PAX9: variants seen among roughly 807,000 people sequenced by gnomAD.
The protein encoded by PAX9 is paired box 9.
A neutral mutation model predicts 29.1 loss-of-function variants in PAX9; 6 were observed. The ratio of observed to expected loss-of-function variants is 0.21; its 90% confidence interval spans 0.11 to 0.41. The LOEUF (loss-of-function observed/expected upper bound fraction) is 0.41. Among genes scored for constraint, PAX9 ranks in the 10% least tolerant of loss-of-function variants. PAX9 has a pLI of 1.00. For synonymous variants in PAX9, 217 were observed against 211.7 expected, an observed-to-expected ratio of 1.03 and a Z score of -0.22; for missense variants, 443 against 479.1, an observed-to-expected ratio of 0.92 and a Z score of 0.70.
At chr14:36,665,723 C>G (rs1241682390) in intron 2 of PAX9, among the ~76,000 whole-genome samples, 4 of 151,998 alleles carry the variant, frequency 2.6e-5, no homozygotes, top group Non-Finnish European at 4.4e-5. Flanking sequence ...ATTTTTTAAA[C>G]TCTTTCAGGA....
rs1353775835 is a variant in PAX9 at position 36,678,166 on chromosome 14, T to C, written c.*1714T>C. 45 of 402,928 alleles carry C rather than the reference T, an allele frequency of 1.1e-4. 1 individual carries two copies. In the South Asian group the frequency reaches 1.6e-3, roughly 15 times the overall value. 25.0% of individuals were successfully genotyped at this position (402,928 alleles called of 1,614,324 possible). ...GTGCTGTGCACAGTCTACATGGCAA[T>C]GCGGTTCCACCACATCGGTTTCGTG... On this transcript the variant is annotated 3_prime_UTR_variant, in exon 4 of 4. Coordinates refer to ENST00000361487, the MANE Select transcript of PAX9 (RefSeq NM_001372076.1).
intron 3 of PAX9, chr14:36,671,056 AC>A (rs1468160921): frequency 1.1e-5 from 5 of 435,224 alleles, no homozygotes; most frequent in Admixed American, 7.9e-5. Context: ...CAGATCCAAA[AC>A]TTTTTCTTGC....
At chr14:36,673,979 T>A (rs968674207) in intron 3 of PAX9, among the ~76,000 whole-genome samples, 3 of 152,246 alleles carry the variant, frequency 2.0e-5, no homozygotes, top group Non-Finnish European at 2.9e-5. Flanking sequence ...CACATACAGA[T>A]GTGAACACCT....
rs1269151404 is a variant in PAX9 at position 36,663,246 on chromosome 14, C to T, written c.354C>T (p.Pro118=). 6 of 1,614,162 alleles carry T rather than the reference C, an allele frequency of 3.7e-6. No individual in the cohort carries two copies. The highest frequency in any genetic ancestry group is 5.1e-6 in the Non-Finnish European group (6 of 1,180,040). The change falls in exon 2 of 4, where the codon CCC becomes CCT. Residue 118 remains proline, a synonymous_variant. Transcript: ENST00000361487. The part of the protein sequence containing the change: ...ADGVCDKYNV[P]SVSSISRILR... ...GCGTGTGCGACAAGTACAATGTGCC[C>T]TCCGTGAGCTCCATCAGCCGCATTC...
chr14:36,666,193 A>C, intron 2 of PAX9: 8 of 489,424 alleles, frequency 1.6e-5, no homozygotes, highest in Non-Finnish European at 1.5e-5. Flanking sequence ...GGGAAATCAA[A>C]AACCGGTTGA....
chr14:36,663,813 G>C (rs777486315), intron 2 of PAX9, among the ~76,000 whole-genome samples: 8 of 151,986 alleles, frequency 5.3e-5, no homozygotes, highest in Non-Finnish European at 8.8e-5. Flanking sequence ...CCCGCCTCTC[G>C]CGCCGAGGCA....
rs1881985620 is a variant in PAX9 at position 36,678,049 on chromosome 14, G to A, written c.*1597G>A. 1 of 157,692 alleles carries A rather than the reference G, an allele frequency of 6.3e-6. No homozygotes were observed. The highest frequency in any genetic ancestry group is 1.4e-5 in the Non-Finnish European group (1 of 71,810). 9.8% of individuals were successfully genotyped at this position (157,692 alleles called of 1,614,324 possible). On this transcript the variant is annotated 3_prime_UTR_variant, in exon 4 of 4. Transcript: ENST00000361487. ...AAAATTAATATATTGAGGGTTTTTT[G>A]GTACTAATTCTGTGCAATAACTAAA...
chr14:36,673,510 T>C (rs930119463), intron 3 of PAX9, among the ~76,000 whole-genome samples: 14 of 19,368 alleles, frequency 7.2e-4, no homozygotes, highest in Non-Finnish European at 1.3e-3. Context: ...CAATGCAGCA[T>C]GTCTCTGAGG....
chr14:36,668,464 T>C lies in PAX9; in HGVS notation c.771+1863T>C, dbSNP rs111406056. The stretch of plus-strand genomic sequence containing the variant: ...AGTGCAGTGGCGCGATCTCTACTTA[T>C]TGCAGCCTCTGCCTCCCGGGTTCAA... On this transcript the variant is annotated intron_variant, in intron 3 of 3. Coordinates refer to ENST00000361487, the MANE Select transcript of PAX9 (RefSeq NM_001372076.1). Among the ~76,000 whole-genome samples the C allele has an allele frequency of 2.6e-3, 394 of 152,312 alleles. 1 individual carries two copies. The highest frequency in any genetic ancestry group is 8.1e-3 in the African/African-American group (336 of 41,574).
At chr14:36,673,618 C>G (rs1165569013) in intron 3 of PAX9, among the ~76,000 whole-genome samples, 1 of 151,870 alleles carries the variant, frequency 6.6e-6, no homozygotes, top group Non-Finnish European at 1.5e-5. Flanking sequence ...AGCAAGAGTT[C>G]CAAGGGCAAA....
At chr14:36,670,838 A>G (rs1257857390) in intron 3 of PAX9, among the ~76,000 whole-genome samples, 1 of 152,116 alleles carries the variant, frequency 6.6e-6, no homozygotes, top group African/African-American at 2.4e-5. Context: ...GCTTTTAAAT[A>G]GCGGCTTTCC....
intron 1 of PAX9, 72 bp from the exon 2 acceptor site, chr14:36,662,825 G>C: frequency 6.4e-7 from 1 of 1,560,388 alleles, no homozygotes; most frequent in Non-Finnish European, 8.7e-7. Flanking sequence ...GGATGCGTAG[G>C]GAGGCCCAGT....
chr14:36,666,486 G>A lies in PAX9; in HGVS notation c.656G>A (p.Ser219Asn), dbSNP rs777895216. ...DQVSDSSPYH[S>N]PKVEEWSSLG... is the part of the protein sequence containing the mutation. ...GTGAGCGACAGCTCCCCCTACCACA[G>A]CCCCAAGGTGGAGGAGTGGAGCAGC... The change falls in exon 3 of 4, where the codon AGC becomes AAC. Residue 219 changes from serine (S) to asparagine (N), a missense_variant. Transcript: ENST00000361487. 7.5e-6 allele frequency: 12 copies of A among 1,610,692 alleles called. No individual in the cohort carries two copies. The highest frequency in any genetic ancestry group is 1.7e-5 in the Admixed American group (1 of 59,768).
At chr14:36,675,644 C>T (rs1052690782) in intron 3 of PAX9, among the ~76,000 whole-genome samples, 9 of 152,176 alleles carry the variant, frequency 5.9e-5, no homozygotes, top group East Asian at 1.9e-4. Flanking sequence ...CTTTGTCCAA[C>T]GGGCATTTTC....
Position 36,678,191 on chromosome 14 carries a change from G to A in PAX9, c.*1739G>A, listed in dbSNP as rs553549946. ...TGCGGTTCCACCACATCGGTTTCGT[G>A]GCTTCGTTTAAAACTCAGATGGCTA... On this transcript the variant is annotated 3_prime_UTR_variant, in exon 4 of 4. Transcript: ENST00000361487. 4.7e-4 allele frequency: 214 copies of A among 459,764 alleles called. 1 individual carries two copies. Among genetic ancestry groups the A allele is most frequent in the African/African-American group, 3.8e-3 (195 of 51,586 alleles). The allele number at this position is 459,764 out of a possible 1,614,324, so 28.5% of individuals were successfully genotyped here. A position where few individuals can be genotyped will look rare whatever the true frequency, so the allele number is the denominator to read the frequency against.
intron 1 of PAX9, chr14:36,662,626 T>C (rs538892800): frequency 6.0e-5 from 32 of 534,502 alleles, no homozygotes; most frequent in Non-Finnish European, 9.6e-5. Context: ...CGGGAGACTT[T>C]TGAACGCTCG....
At chr14:36,660,473 G>A (rs1881215665), upstream of PAX9, among the ~76,000 whole-genome samples, 2 of 152,180 alleles carry the variant, frequency 1.3e-5, no homozygotes, top group Non-Finnish European at 2.9e-5. Context: ...TGAATTTAGA[G>A]TGCATCCTAA....
Position 36,667,401 on chromosome 14 carries a change from T to C in PAX9, c.771+800T>C, listed in dbSNP as rs1402782801. On this transcript the variant is annotated intron_variant, in intron 3 of 3. Transcript: ENST00000361487. ...AGATTTAAGTCTAAATTCATCACCGTCCTGGAGTCAAGAGTTCAAAACTCT... is the reference window on the plus strand; with the variant it reads ...AGATTTAAGTCTAAATTCATCACCGCCCTGGAGTCAAGAGTTCAAAACTCT... Among the ~76,000 whole-genome samples the C allele has an allele frequency of 2.0e-5, 3 of 151,446 alleles. No individual in the cohort carries two copies. In the East Asian group the frequency reaches 5.8e-4, roughly 29 times the overall value.
chr14:36,657,602 C>T (rs1025381818), upstream of PAX9: 3 of 152,180 alleles, frequency 2.0e-5, no homozygotes, highest in African/African-American at 7.2e-5. Context: ...AAGCGGGCGA[C>T]GAGCGCTCGC....
Sources: allele counts gnomAD v4.1 joint callset (sites outside exome capture counted in the v4.1 genomes callset), GRCh38; gene constraint gnomAD v4.1.1; transcripts MANE v1.5; gene names NCBI Gene and HGNC (gene_info 2026-07-23, HGNC 2026-07-21).